ANKRD28: variants seen among roughly 807,000 people sequenced by gnomAD.
ANKRD28 encodes the protein ankyrin repeat domain 28.
ANKRD28 carries 44 observed loss-of-function variants against 126.5 expected under a neutral mutation model. That is an observed-to-expected ratio of 0.35 (90% CI 0.27 to 0.45). The LOEUF is 0.45. Ranked by LOEUF, ANKRD28 falls within the 20% of genes least tolerant of loss-of-function variation. ANKRD28 has a pLI of 1.00. For missense variants in ANKRD28, 1,110 were observed against 1,316.6 expected (o/e 0.84, Z 2.43); for synonymous variants, 442 against 468.5 (o/e 0.94, Z 0.73).
In ANKRD28 at chr3:15,806,804, G is replaced by A. The variant is rs138195395; in HGVS notation, c.28-11498C>T. Among the ~76,000 whole-genome samples, 238 of 152,302 alleles carry A rather than the reference G, an allele frequency of 1.6e-3. 2 individuals are homozygous for A. The highest frequency in any genetic ancestry group is 5.4e-3 in the Admixed American group (83 of 15,298). ...CCCAAAGTGTTAGGATTACAGGCAT[G>A]AGCCACCATGTCCGGCCCATCATGA... is the stretch of plus-strand genomic sequence containing the variant. On this transcript the variant is annotated intron_variant, in intron 1 of 27. Coordinates refer to the ANKRD28 transcript ENST00000399451.
chr3:15,822,753 T>C (rs2060973085), intron 1 of ANKRD28, among the ~76,000 whole-genome samples: 2 of 151,314 alleles, frequency 1.3e-5, no homozygotes, highest in Non-Finnish European at 2.9e-5. Flanking sequence ...AATATTGATG[T>C]TAAAAAATAG....
In ANKRD28 at chr3:15,833,407, C is replaced by T. The variant is rs2061247508; in HGVS notation, c.27+25970G>A. Among the ~76,000 whole-genome samples, 2 of 151,874 alleles carry T rather than the reference C, an allele frequency of 1.3e-5. No individual in the cohort carries two copies. On this transcript the variant is annotated intron_variant, in intron 1 of 27. Coordinates refer to the ANKRD28 transcript ENST00000399451. The surrounding 1 kb of genome is among the most constrained non-coding windows in gnomAD (Gnocchi z 4.4). ...GGGCTCGGACTGGCTATCCTTGCTC[C>T]TCAGCTGGCAGATGCCCTACTGTGG...
chr3:15,833,059 A>G lies in ANKRD28; in HGVS notation c.27+26318T>C, dbSNP rs1447011036. Among the ~76,000 whole-genome samples the G allele has an allele frequency of 6.6e-6, 1 of 152,240 alleles. No individual in the cohort carries two copies. The highest frequency in any genetic ancestry group is 2.4e-5 in the African/African-American group (1 of 41,464). ...CATTCCCACCAATAGTGTATAGTGT[A>G]TAAGCATTCCCTTTTCTTCACACCT... is the stretch of plus-strand genomic sequence containing the variant. On this transcript the variant is annotated intron_variant, in intron 1 of 27. Transcript: ENST00000399451. This position sits in a 1 kb window ranked among gnomAD's most constrained non-coding sequence, Gnocchi z 4.4.
intron 2 of ANKRD28, among the ~76,000 whole-genome samples, chr3:15,769,875 T>G (rs1347417974): frequency 6.6e-6 from 1 of 152,160 alleles, no homozygotes; most frequent in Non-Finnish European, 1.5e-5. Flanking sequence ...TTAGGGGTTT[T>G]GCCCTAAGAT....
At chr3:15,765,395 T>C (rs1280654344) in intron 3 of ANKRD28, among the ~76,000 whole-genome samples, 2 of 152,168 alleles carry the variant, frequency 1.3e-5, no homozygotes, top group East Asian at 3.8e-4. Flanking sequence ...GAAATCTTAC[T>C]GGCATTGCCT....
chr3:15,733,312 A>T (rs1422929054), intron 6 of ANKRD28: 2 of 152,338 alleles, frequency 1.3e-5, no homozygotes, highest in Non-Finnish European at 2.9e-5. Context: ...TCATATGGGG[A>T]TAAGCAAGAG....
Position 15,712,232 on chromosome 3 carries a change from A to G in ANKRD28, c.1191-10T>C. On this transcript the variant is annotated splice_polypyrimidine_tract_variant and intron_variant, in intron 10 of 27. Coordinates refer to ENST00000683139, the MANE Select transcript of ANKRD28 (RefSeq NM_001349278.2). Reference sequence around the variant, plus strand: ...TCCATGTATGCCACGCCTAAAGTTAATAGAACAGGACAGTATCTTCATTTT... The same window carrying G: ...TCCATGTATGCCACGCCTAAAGTTAGTAGAACAGGACAGTATCTTCATTTT... 6.4e-7 allele frequency: 1 copy of G among 1,561,350 alleles called. No individual in the cohort carries two copies. Among genetic ancestry groups the G allele is most frequent in the African/African-American group, 1.4e-5 (1 of 73,836 alleles).
chr3:15,735,982 A>G (rs73819149), intron 5 of ANKRD28, among the ~76,000 whole-genome samples: 3,717 of 152,324 alleles, frequency 0.024, 162 homozygotes, highest in African/African-American at 0.082. Flanking sequence ...CATATTTACA[A>G]TAATTTCTCC....
At position 15,810,297 on chromosome 3, in the gene ANKRD28, C is replaced by CT. The variant is rs2060685482; in HGVS notation, c.28-14992dup. On this transcript the variant is annotated intron_variant, in intron 1 of 27. Coordinates refer to the ANKRD28 transcript ENST00000399451. ...AGAAAAAAAAAAAACTTGCCAACAGCTATCAATACCATTGATAAGTATTTC... is the reference window on the plus strand; with the variant it reads ...AGAAAAAAAAAAAACTTGCCAACAGCTTATCAATACCATTGATAAGTATTTC... Among the ~76,000 whole-genome samples, 7 of 151,926 alleles carry CT rather than the reference C, an allele frequency of 4.6e-5. No individual in the cohort carries two copies. The South Asian group carries it at 1.5e-3, about 32-fold the overall frequency.
upstream of ANKRD28, among the ~76,000 whole-genome samples, chr3:15,799,325 AAAC>A (rs1051225596): frequency 7.2e-5 from 11 of 151,968 alleles, 1 homozygote; most frequent in Admixed American, 5.3e-4. Flanking sequence ...AGGAAAAAAA[AAAC>A]AAAAAATCCC....
rs1031222647 is a variant in ANKRD28 at position 15,822,209 on chromosome 3, T to C, written c.28-26903A>G. ...TAAAAAGTGAAGACTAGGACAGAAC[T>C]GTAAGAAGCTTGGCTGAGCATTATG... On this transcript the variant is annotated intron_variant, in intron 1 of 27. Transcript: ENST00000399451. 3.9e-5 allele frequency among the ~76,000 whole-genome samples: 6 copies of C among 152,306 alleles called. No individual in the cohort carries two copies. The South Asian group carries it at 1.0e-3, about 26-fold the overall frequency.
intron 4 of ANKRD28, among the ~76,000 whole-genome samples, chr3:15,749,625 T>C (rs1054040018): frequency 6.6e-6 from 1 of 152,196 alleles, no homozygotes; most frequent in African/African-American, 2.4e-5. Flanking sequence ...TTGGGTAGGC[T>C]ATGTCAGAGG....
At chr3:15,852,604 C>T (rs750531176) in intron 1 of ANKRD28, among the ~76,000 whole-genome samples, 3 of 151,810 alleles carry the variant, frequency 2.0e-5, no homozygotes, top group African/African-American at 4.8e-5. Context: ...GAGGCCGAGG[C>T]GGGCGGATCA....
intron 4 of ANKRD28, chr3:15,738,471 T>C (rs927211946): frequency 1.2e-4 from 18 of 152,172 alleles, no homozygotes; most frequent in African/African-American, 4.3e-4. Context: ...TAATGAAGTT[T>C]TGGGCACACA....
chr3:15,722,015 G>A (rs991296423), intron 7 of ANKRD28, among the ~76,000 whole-genome samples: 2 of 152,134 alleles, frequency 1.3e-5, no homozygotes, highest in African/African-American at 4.8e-5. Flanking sequence ...AAAGTGCTGC[G>A]ATTACAGGCG....
At chr3:15,697,587 C>A (rs527449310) in intron 14 of ANKRD28, among the ~76,000 whole-genome samples, 3 of 151,910 alleles carry the variant, frequency 2.0e-5, no homozygotes, top group Admixed American at 2.0e-4. Flanking sequence ...AGCCTTGCAT[C>A]CCAGGGATGA....
At chr3:15,790,107 A>G (rs777442743) in intron 2 of ANKRD28, among the ~76,000 whole-genome samples, 7 of 152,184 alleles carry the variant, frequency 4.6e-5, no homozygotes, top group African/African-American at 7.2e-5. Context: ...GAGGAAATCC[A>G]AAACCAGAAC....
intron 18 of ANKRD28, 115 bp downstream of exon 18, chr3:15,689,904 A>G (rs2068591182): frequency 1.3e-5 from 7 of 521,730 alleles, no homozygotes; most frequent in South Asian, 4.1e-5. Flanking sequence ...ATATGATTTG[A>G]AAAAAAAAAA....
intron 2 of ANKRD28, among the ~76,000 whole-genome samples, chr3:15,792,714 G>C (rs1243674799): frequency 6.6e-6 from 1 of 152,106 alleles, no homozygotes; most frequent in African/African-American, 2.4e-5. Flanking sequence ...AATGTAATTG[G>C]AATGTTTGTA....
Sources: gnomAD v4.1 joint callset for allele counts (sites outside exome capture counted in the v4.1 genomes callset) on GRCh38, gnomAD v4.1.1 for gene constraint, Gnocchi (gnomAD v3.1) non-coding constraint, MANE v1.5 for transcripts, NCBI Gene and HGNC (gene_info 2026-07-23, HGNC 2026-07-21) for gene names.